The following SP140 variants were observed in gnomAD, a reference collection of about 807,000 sequenced individuals.
SP140 encodes the protein nuclear body protein SP140.
A neutral mutation model predicts 125.0 loss-of-function variants in SP140; 81 were observed. The ratio of observed to expected loss-of-function variants is 0.65; its 90% confidence interval spans 0.54 to 0.78. SP140 has a LOEUF of 0.78. Among genes scored for constraint, SP140 ranks in the 30% least tolerant of loss-of-function variants. The pLI, the probability that SP140 is intolerant of heterozygous loss-of-function variation, is 0.00. For missense variants in SP140, 858 were observed against 1,037.0 expected (o/e 0.83, Z 2.37); for synonymous variants, 312 against 354.0 (o/e 0.88, Z 1.33).
rs1240897981 is a variant in SP140, at chr2:230,290,557, G to A, written c.1818G>A (p.Leu606=). The A allele has an allele frequency of 2.5e-6, 4 of 1,612,302 alleles. No individual in the cohort carries two copies. Among genetic ancestry groups the A allele is most frequent in the African/African-American group, 2.7e-5 (2 of 74,790 alleles). The stretch of plus-strand genomic sequence containing the variant: ...AGGGAATTTTACATAAGAAGAAATT[G>A]CAGCAAGGTAGGTTTTATGGTCTTC... ...GVKGILHKKK[L]QQGILVKCIQ... The change falls in exon 19 of 27, where the codon TTG becomes TTA. Residue 606 remains leucine, a synonymous_variant. Transcript: ENST00000392045.
chr2:230,210,461 A>AAATAC lies in SP140; in HGVS notation c.-322-3191_-322-3187dup, dbSNP rs557104975. On this transcript the variant is annotated intron_variant, in intron 1 of 4. Coordinates refer to the SP140 transcript ENST00000456542. ...AAGGGGAATGTCTTTGCTGTATGAAAAATACATCTTATTGCTTTGACGTCT... is the reference window on the plus strand; with the variant it reads ...AAGGGGAATGTCTTTGCTGTATGAAAAATACAATACATCTTATTGCTTTGACGTCT... Among the ~76,000 whole-genome samples, 296 of 152,366 alleles carry AAATAC rather than the reference A, an allele frequency of 1.9e-3. 1 individual carries two copies. Among genetic ancestry groups the AAATAC allele is most frequent in the South Asian group, 5.2e-3 (25 of 4,830 alleles).
intron 15 of SP140, among the ~76,000 whole-genome samples, chr2:230,283,055 G>A (rs1042664705): frequency 1.3e-5 from 2 of 152,172 alleles, no homozygotes; most frequent in Non-Finnish European, 2.9e-5. Flanking sequence ...GAATAGTGGT[G>A]GAGACTATGT....
At position 230,294,331 on chromosome 2, in the gene SP140, T is replaced by C; in HGVS notation, c.2016+13T>C. On this transcript the variant is annotated intron_variant, in intron 21 of 26. Transcript: ENST00000392045. ...CAGGAAAAAAAAGGTGATTATTACA[T>C]AGCTTTATACAGCTTCTTGTCACAT... 1 of 1,593,756 alleles carries C rather than the reference T, an allele frequency of 6.3e-7. No individual in the cohort carries two copies. The highest frequency in any genetic ancestry group is 8.6e-7 in the Non-Finnish European group (1 of 1,161,524).
intron 1 of SP140, among the ~76,000 whole-genome samples, chr2:230,207,280 T>A (rs1248460038): frequency 1.3e-5 from 2 of 152,318 alleles, no homozygotes; most frequent in East Asian, 3.9e-4. Context: ...TTAGCTCTCT[T>A]AGCATTGCCT....
chr2:230,212,716 C>G (rs765388398), intron 1 of SP140: 1 of 1,612,276 alleles, frequency 6.2e-7, no homozygotes, highest in South Asian at 1.1e-5. Context: ...GCACAGGCAC[C>G]TTAGGCTGAG....
At chr2:230,311,105 G>A (rs1198413767) in intron 24 of SP140, 49 bp from the exon 25 acceptor site, 2 of 1,610,068 alleles carry the variant, frequency 1.2e-6, no homozygotes, top group African/African-American at 1.3e-5. Context: ...ATGCATGTGG[G>A]CTCATTCTCT....
intron 10 of SP140, among the ~76,000 whole-genome samples, 193 bp downstream of exon 10, chr2:230,251,254 T>C (rs141325676): frequency 6.6e-5 from 10 of 152,354 alleles, no homozygotes; most frequent in Admixed American, 3.3e-4. Flanking sequence ...TAGAAGTCTG[T>C]GTTTAACGGA....
chr2:230,186,831 T>C, the SP140 span, among the ~76,000 whole-genome samples: 1 of 152,346 alleles, frequency 6.6e-6, no homozygotes, highest in South Asian at 2.1e-4. Flanking sequence ...AAAGACATTA[T>C]TTCATTCTTT....
At chr2:230,255,232 G>A (rs2149253030) in intron 11 of SP140, among the ~76,000 whole-genome samples, 1 of 152,322 alleles carries the variant, frequency 6.6e-6, no homozygotes, top group Non-Finnish European at 1.5e-5. Flanking sequence ...AGTCCAGGCA[G>A]CAAGTGAGCT....
At chr2:230,214,310 C>T (rs1190033707) in intron 3 of SP140, among the ~76,000 whole-genome samples, 1 of 151,976 alleles carries the variant, frequency 6.6e-6, no homozygotes, top group Non-Finnish European at 1.5e-5. Context: ...TACCTTTTTT[C>T]CCTTCTCTGG....
chr2:230,225,978 T>G, intron 1 of SP140, 75 bp downstream of exon 1: 6 of 1,161,648 alleles, frequency 5.2e-6, no homozygotes, highest in Non-Finnish European at 7.6e-6. Context: ...ATTTAATGTC[T>G]ACCCAGCTTC....
intron 1 of SP140, among the ~76,000 whole-genome samples, chr2:230,233,349 T>C (rs553870429): frequency 9.9e-5 from 15 of 152,220 alleles, no homozygotes; most frequent in African/African-American, 3.4e-4. Context: ...ATCGCACCAC[T>C]GCACTCCAGC....
Position 230,237,145 on chromosome 2 carries a change from C to A in SP140, c.122C>A (p.Pro41His). 6.2e-7 allele frequency: 1 copy of A among 1,613,034 alleles called. No homozygotes were observed. The highest frequency in any genetic ancestry group is 8.5e-7 in the Non-Finnish European group (1 of 1,179,504). The change falls in exon 2 of 27, where the codon CCC becomes CAC. Residue 41 changes from proline (P) to histidine (H), a missense_variant. Pro to His is a moderately conservative substitution (Grantham distance 77). Transcript: ENST00000392045. This position sits in a 1 kb window ranked among gnomAD's most constrained non-coding sequence, Gnocchi z 5.4. The part of the protein sequence containing the change: ...QNLQEQVCPE[P>H]IFRFFRENKV... ...CTGCAGGAGCAGGTTTGCCCTGAGC[C>A]CATTTTCAGGTTCTTCAGAGAAAAC...
intron 20 of SP140, among the ~76,000 whole-genome samples, chr2:230,293,854 C>G (rs1035436549): frequency 3.3e-5 from 5 of 152,116 alleles, no homozygotes; most frequent in African/African-American, 1.2e-4. Context: ...TCCGTAGACT[C>G]CTTTAGGTTG....
rs200503807 is a variant in SP140, at chr2:230,287,919, G to A, written c.1673G>A (p.Arg558His). Reference sequence around the variant, plus strand: ...AGAAAGAGAGGCAAACCTGGAACCCGCTTCACTCAGAGTGACAGAGCTGCA... The same window carrying A: ...AGAAAGAGAGGCAAACCTGGAACCCACTTCACTCAGAGTGACAGAGCTGCA... ...RGRKRGKPGT[R>H]FTQSDRAAQK... is the part of the protein sequence containing the mutation. Residue 558 changes from arginine (R) to histidine (H), a missense_variant, in exon 18 of 27, where the codon CGC becomes CAC. This residue lies in a region of SP140 where 791 missense variants were observed against 869.5 expected (regional missense o/e 0.91). Transcript: ENST00000392045. 1.8e-4 allele frequency: 291 copies of A among 1,611,810 alleles called. No individual in the cohort carries two copies. The highest frequency in any genetic ancestry group is 3.1e-4 in the East Asian group (14 of 44,872).
At chr2:230,253,258 C>T (rs951016962) in intron 10 of SP140, 58 bp from the exon 11 acceptor site, 12 of 1,272,108 alleles carry the variant, frequency 9.4e-6, no homozygotes, top group Non-Finnish European at 1.1e-6. Context: ...ATTTTCCCAT[C>T]TTGGATGGCG....
chr2:230,283,364 A>G (rs1219773305), intron 15 of SP140, among the ~76,000 whole-genome samples: 1 of 152,074 alleles, frequency 6.6e-6, no homozygotes, highest in East Asian at 1.9e-4. Flanking sequence ...TCTCACTTAG[A>G]CTTTCCATCT....
In SP140 at chr2:230,235,955, C is replaced by A. The variant is rs2047935629; in HGVS notation, c.60-1128C>A. On this transcript the variant is annotated intron_variant, in intron 1 of 26. Transcript: ENST00000392045. Reference sequence around the variant, plus strand: ...GCAGTGGCACGATCTCAGCTCACTGCAAGCTCCGCCTCCTGGGTTCACGCC... The same window carrying A: ...GCAGTGGCACGATCTCAGCTCACTGAAAGCTCCGCCTCCTGGGTTCACGCC... Among the ~76,000 whole-genome samples, 3 of 140,398 alleles carry A rather than the reference C, an allele frequency of 2.1e-5. No homozygotes were observed. The Admixed American group carries it at 2.3e-4, about 11-fold the overall frequency. The allele number at this position is 140,398 out of a possible 152,430, so 92.1% of individuals were successfully genotyped here. A position where few individuals can be genotyped will look rare whatever the true frequency, so the allele number is the denominator to read the frequency against.
intron 1 of SP140, chr2:230,212,539 G>C (rs574652841): frequency 6.1e-5 from 65 of 1,073,874 alleles, no homozygotes; most frequent in Non-Finnish European, 9.4e-5. Flanking sequence ...CAAGGGCAGA[G>C]GGTTGGAATG....
Sources: gnomAD v4.1 joint callset for allele counts (sites outside exome capture counted in the v4.1 genomes callset) on GRCh38, gnomAD v4.1.1 for gene constraint, gnomAD v4.1.1 regional missense constraint, Gnocchi (gnomAD v3.1) non-coding constraint, MANE v1.5 for transcripts, NCBI Gene and HGNC (gene_info 2026-07-23, HGNC 2026-07-21) for gene names.